Variants in RAB4B observed in about 807,000 individuals in gnomAD.
The protein encoded by RAB4B is RAB4B, member RAS oncogene family.
Under a neutral mutation model 28.3 loss-of-function variants are expected in RAB4B, and 15 were observed. The ratio of observed to expected loss-of-function variants is 0.53; its 90% CI spans 0.35 to 0.82. The LOEUF (loss-of-function observed/expected upper bound fraction) is 0.82, where lower values mean the gene tolerates loss of function less well. Among genes scored for constraint, RAB4B ranks in the 40% least tolerant of loss-of-function variants. RAB4B has a pLI of 0.01. For missense variants in RAB4B, 244 were observed against 288.5 expected, an observed-to-expected ratio of 0.85 and a Z score of 1.12; for synonymous variants, 108 against 116.3, an observed-to-expected ratio of 0.93 and a Z score of 0.46.
chr19:40,789,925 G>A (rs1050715152), intron 7 of RAB4B, among the ~76,000 whole-genome samples: 1 of 152,202 alleles, frequency 6.6e-6, no homozygotes, highest in Non-Finnish European at 1.5e-5. Flanking sequence ...GCACAGCAAC[G>A]CTTCTAGCGA....
intron 2 of RAB4B, 111 bp downstream of exon 2, chr19:40,780,210 G>C: frequency 6.6e-7 from 1 of 1,516,332 alleles, no homozygotes; most frequent in Non-Finnish European, 8.9e-7. Flanking sequence ...CAAGTCCAGT[G>C]CTGGCTTTTT....
intron 5 of RAB4B, among the ~76,000 whole-genome samples, chr19:40,785,275 G>C (rs563408268): frequency 5.4e-5 from 8 of 147,402 alleles, no homozygotes; most frequent in Non-Finnish European, 1.2e-4. Context: ...GGAGGCCAAG[G>C]TAGGAGCATC....
chr19:40,781,462 G>C (rs1463718297), intron 3 of RAB4B, among the ~76,000 whole-genome samples: 1 of 151,934 alleles, frequency 6.6e-6, no homozygotes, highest in Non-Finnish European at 1.5e-5. Flanking sequence ...GGAAGGCAAG[G>C]GTGAGCATGA....
chr19:40,794,163 C>T (rs1293408977), intron 7 of RAB4B, among the ~76,000 whole-genome samples: 1 of 151,830 alleles, frequency 6.6e-6, no homozygotes, highest in African/African-American at 2.4e-5. Context: ...AAATCTCCGC[C>T]TCTCAAGTTC....
chr19:40,789,451 C>G (rs2083136084), intron 7 of RAB4B, among the ~76,000 whole-genome samples: 1 of 151,730 alleles, frequency 6.6e-6, no homozygotes, highest in Non-Finnish European at 1.5e-5. Flanking sequence ...ATCTGCCCGC[C>G]TCAGCCTCCC....
In RAB4B at chr19:40,778,277, G is replaced by C. The variant is rs1224727159; in HGVS notation, c.-99G>C. 1 of 1,229,194 alleles carries C rather than the reference G, an allele frequency of 8.1e-7. No individual in the cohort carries two copies. The highest frequency in any genetic ancestry group is 1.1e-6 in the Non-Finnish European group (1 of 910,462). 76.1% of individuals were successfully genotyped at this position (1,229,194 alleles called of 1,614,324 possible). Reference sequence around the variant, plus strand: ...TGGCGGTGCCGGGCCCGGGGAGTAGGAAGGAGCCGGGGCTGTAGCCGGAGT... The same window carrying C: ...TGGCGGTGCCGGGCCCGGGGAGTAGCAAGGAGCCGGGGCTGTAGCCGGAGT... On this transcript the variant is annotated 5_prime_UTR_variant, in exon 1 of 8. Transcript: ENST00000357052.
chr19:40,783,494 C>A (rs952993543), intron 3 of RAB4B, among the ~76,000 whole-genome samples: 3 of 151,764 alleles, frequency 2.0e-5, no homozygotes, highest in Non-Finnish European at 4.4e-5. Flanking sequence ...GAAAAACAGA[C>A]GAATGGAAAG....
At chr19:40,785,326 T>G (rs1599743175) in intron 5 of RAB4B, among the ~76,000 whole-genome samples, 1 of 119,560 alleles carries the variant, frequency 8.4e-6, no homozygotes, top group African/African-American at 3.5e-5. Flanking sequence ...TGTAACAGAG[T>G]GAGACCCTGC....
chr19:40,791,479 G>A (rs1177313761), intron 7 of RAB4B, among the ~76,000 whole-genome samples: 6 of 152,066 alleles, frequency 3.9e-5, no homozygotes, highest in African/African-American at 1.2e-4. Flanking sequence ...GCCACTTGTC[G>A]GTCTCCCTAC....
At chr19:40,779,757 A>G in intron 1 of RAB4B, 1 of 837,102 alleles carries the variant, frequency 1.2e-6, no homozygotes, top group African/African-American at 1.8e-5. Flanking sequence ...AAAAACAAAA[A>G]CAACGACAAA....
chr19:40,790,664 CTTTT>C (rs34206561), intron 7 of RAB4B, among the ~76,000 whole-genome samples: 11 of 111,478 alleles, frequency 9.9e-5, no homozygotes, highest in Admixed American at 2.1e-4. Flanking sequence ...TGAGCCTTTC[CTTTT>C]TTTTTTTTTT....
intron 5 of RAB4B, 104 bp downstream of exon 5, chr19:40,784,179 G>A: frequency 1.4e-6 from 2 of 1,401,358 alleles, no homozygotes; most frequent in Middle Eastern, 4.0e-4. Context: ...GAACGTGGAG[G>A]TTCAGAAGTC....
At chr19:40,788,229 GCTCACACC>G (rs2083121315) in intron 7 of RAB4B, among the ~76,000 whole-genome samples, 1 of 152,070 alleles carries the variant, frequency 6.6e-6, no homozygotes, top group Non-Finnish European at 1.5e-5. Flanking sequence ...GGGCGCAGTG[GCTCACACC>G]TGTAATCCCA....
At position 40,786,872 on chromosome 19, in the gene RAB4B, G is replaced by A. The variant is rs1178730750; in HGVS notation, c.551G>A (p.Gly184Asp). The A allele has an allele frequency of 6.2e-7, 1 of 1,614,128 alleles. No homozygotes were observed. Among genetic ancestry groups the A allele is most frequent in the South Asian group, 1.1e-5 (1 of 91,086 alleles). ...DSGELDPERM[G>D]SGIQYGDASL... ...GGCGAGCTAGACCCGGAGAGGATGG[G>A]CTCTGGCATTCAGTACGGGGATGCG... is the stretch of plus-strand genomic sequence containing the variant. The change falls in exon 7 of 8, where the codon GGC becomes GAC. Residue 184 changes from glycine to aspartate, a missense_variant. By Grantham distance (94) the Gly-to-Asp change is moderately conservative. Transcript: ENST00000357052.
At chr19:40,789,411 A>C (rs1405773271) in intron 7 of RAB4B, among the ~76,000 whole-genome samples, 1 of 150,130 alleles carries the variant, frequency 6.7e-6, no homozygotes, top group Admixed American at 6.7e-5. Flanking sequence ...CGTGTTGGTC[A>C]GGCTGGTCTG....
intron 5 of RAB4B, 82 bp downstream of exon 5, chr19:40,784,157 T>C: frequency 2.0e-6 from 3 of 1,471,348 alleles, no homozygotes; most frequent in South Asian, 2.8e-5. Flanking sequence ...TCAGTGGCTG[T>C]ACCCAGCAGG....
chr19:40,788,969 A>G (rs2083130493), intron 7 of RAB4B, among the ~76,000 whole-genome samples: 1 of 151,412 alleles, frequency 6.6e-6, no homozygotes, highest in East Asian at 1.9e-4. Context: ...TTTAGTAGAG[A>G]TGGGGTTTTA....
intron 5 of RAB4B, chr19:40,785,432 G>C (rs2083089724): frequency 6.6e-6 from 1 of 151,560 alleles, no homozygotes; most frequent in Admixed American, 6.6e-5. Flanking sequence ...GATCACTTGT[G>C]CCCAGAAGTT....
At chr19:40,783,881 C>A (rs766709078) in intron 4 of RAB4B, 40 bp from the exon 5 acceptor site, 2 of 1,580,544 alleles carry the variant, frequency 1.3e-6, no homozygotes, top group East Asian at 4.5e-5. Flanking sequence ...TGGGTGGTTC[C>A]TCTCCTGCAC....
Sources: allele counts gnomAD v4.1 joint callset (sites outside exome capture counted in the v4.1 genomes callset), GRCh38; gene constraint gnomAD v4.1.1; transcripts MANE v1.5; gene names NCBI Gene and HGNC (gene_info 2026-07-23, HGNC 2026-07-21).